The following SHC3 variants were observed in gnomAD, a reference collection of about 807,000 sequenced individuals.
SHC3 encodes SHC-transforming protein 3.
A neutral mutation model predicts 60.4 loss-of-function variants in SHC3; 15 were observed. The ratio of observed to expected loss-of-function variants is 0.25; its 90% confidence interval spans 0.17 to 0.38. The LOEUF (loss-of-function observed/expected upper bound fraction) is 0.38. SHC3 is among the 10% of genes least tolerant of loss of function. The pLI is 1.00. For synonymous variants in SHC3, 294 were observed against 325.9 expected (o/e 0.90, Z 1.05); for missense variants, 677 against 786.1 (o/e 0.86, Z 1.66).
rs1036952530 is a variant in SHC3 at position 89,145,413 on chromosome 9, C to T, written c.474+32574G>A. ...ATTCGCTTAAAGTAATCAAGACCAC[C>T]CCTAGAGACAGTGCACAACTCCAAA... On this transcript the variant is annotated intron_variant, in intron 1 of 11. Coordinates refer to ENST00000375835, the MANE Select transcript of SHC3 (RefSeq NM_016848.6). Among the ~76,000 whole-genome samples the T allele has an allele frequency of 1.1e-3, 162 of 152,300 alleles. 1 individual carries two copies. The highest frequency in any genetic ancestry group is 3.7e-3 in the African/African-American group (154 of 41,546).
chr9:89,085,647 G>A (rs185126497), intron 2 of SHC3, among the ~76,000 whole-genome samples: 16 of 152,296 alleles, frequency 1.1e-4, no homozygotes, highest in African/African-American at 2.9e-4. Context: ...GTTCCACTCC[G>A]GGACCTAATG....
chr9:89,133,131 A>T (rs1391956945), intron 1 of SHC3, among the ~76,000 whole-genome samples: 1 of 152,258 alleles, frequency 6.6e-6, no homozygotes, highest in Admixed American at 6.5e-5. Context: ...AGAAGAAGAC[A>T]TTTATGCAGT....
At chr9:89,080,692 T>C (rs1564126888) in intron 2 of SHC3, among the ~76,000 whole-genome samples, 1 of 151,184 alleles carries the variant, frequency 6.6e-6, no homozygotes, top group Non-Finnish European at 1.5e-5. Context: ...ATTGAAATCA[T>C]TTGTAATGAA....
intron 11 of SHC3, among the ~76,000 whole-genome samples, chr9:89,018,698 TC>T (rs199608464): frequency 0.063 from 9,045 of 142,934 alleles, 361 homozygotes; most frequent in East Asian, 0.092. Flanking sequence ...TTTCTTTCTT[TC>T]TTTTTTTTTT....
At chr9:89,105,454 C>T (rs1825845554) in intron 2 of SHC3, among the ~76,000 whole-genome samples, 5 of 152,138 alleles carry the variant, frequency 3.3e-5, no homozygotes, top group Admixed American at 3.3e-4. Flanking sequence ...AATTACCGTG[C>T]TGAACTATAT....
rs760940762 is a variant in SHC3 at position 89,065,625 on chromosome 9, G to C, written c.784-45C>G. Reference sequence around the variant, plus strand: ...TGTCTATGTCACTAATCACAAGTGAGAGACCACACAGTCAGGGACACAGGG... The same window carrying C: ...TGTCTATGTCACTAATCACAAGTGACAGACCACACAGTCAGGGACACAGGG... On this transcript the variant is annotated intron_variant, in intron 5 of 11. Coordinates refer to ENST00000375835, the MANE Select transcript of SHC3 (RefSeq NM_016848.6). 1.9e-6 allele frequency: 3 copies of C among 1,592,996 alleles called. No individual in the cohort carries two copies. The East Asian group carries it at 6.7e-5, about 36-fold the overall frequency.
Position 89,119,012 on chromosome 9 carries a change from G to A in SHC3, c.475-6386C>T, listed in dbSNP as rs116698567. ...ATGATCAGAAACTAGTATCTCAGGA[G>A]ATCTAAACATGGAAGGTAAGGGAAC... On this transcript the variant is annotated intron_variant, in intron 1 of 11. Transcript: ENST00000375835. Among the ~76,000 whole-genome samples the A allele has an allele frequency of 3.3e-3, 500 of 152,234 alleles. 3 individuals are homozygous for A. Among genetic ancestry groups the A allele is most frequent in the African/African-American group, 0.011 (470 of 41,550 alleles).
chr9:89,067,828 C>T (rs1825208229), intron 5 of SHC3, among the ~76,000 whole-genome samples: 1 of 152,064 alleles, frequency 6.6e-6, no homozygotes, highest in Admixed American at 6.5e-5. Flanking sequence ...TTGTATTTAA[C>T]TTTCAAATTT....
intron 1 of SHC3, among the ~76,000 whole-genome samples, chr9:89,122,917 A>G (rs1420275727): frequency 2.0e-5 from 3 of 152,210 alleles, no homozygotes; most frequent in Non-Finnish European, 2.9e-5. Context: ...GCTTTTGTGA[A>G]AAGAAAGGCT....
intron 11 of SHC3, among the ~76,000 whole-genome samples, chr9:89,031,301 G>A (rs1046245721): frequency 1.3e-5 from 2 of 152,076 alleles, no homozygotes; most frequent in Non-Finnish European, 2.9e-5. Context: ...CAGTATATTC[G>A]CAGATACATT....
rs1043963094 is a variant in SHC3 at position 89,178,537 on chromosome 9, C to G, written c.-77G>C. The G allele has an allele frequency of 5.1e-4, 663 of 1,307,146 alleles. No individual in the cohort carries two copies. The highest frequency in any genetic ancestry group is 5.0e-3 in the Admixed American group (137 of 27,170). The allele number at this position is 1,307,146 out of a possible 1,614,324, so 81.0% of individuals were successfully genotyped here. On this transcript the variant is annotated 5_prime_UTR_variant, in exon 1 of 12. Coordinates refer to ENST00000375835, the MANE Select transcript of SHC3 (RefSeq NM_016848.6). The surrounding 1 kb of genome is among the most constrained non-coding windows in gnomAD (Gnocchi z 6.9). ...GGCGCGGGCTGCCGCGCATAGCAGGCGAGCCACTGTCCCCGGAGCGGGACG... is the reference window on the plus strand; with the variant it reads ...GGCGCGGGCTGCCGCGCATAGCAGGGGAGCCACTGTCCCCGGAGCGGGACG...
chr9:89,169,053 C>T (rs1826831872), intron 1 of SHC3, among the ~76,000 whole-genome samples: 1 of 152,338 alleles, frequency 6.6e-6, no homozygotes, highest in African/African-American at 2.4e-5. Flanking sequence ...ACTTGCCTGC[C>T]TCCAAAATTA....
At chr9:89,069,996 A>T (rs1442080371) in intron 5 of SHC3, among the ~76,000 whole-genome samples, 1 of 152,258 alleles carries the variant, frequency 6.6e-6, no homozygotes, top group Non-Finnish European at 1.5e-5. Context: ...AGTAAAACAC[A>T]GGGTCCTCAA....
At chr9:89,066,682 T>A (rs1825188174) in intron 5 of SHC3, among the ~76,000 whole-genome samples, 2 of 152,204 alleles carry the variant, frequency 1.3e-5, no homozygotes, top group Non-Finnish European at 2.9e-5. Context: ...ACATTTCCCA[T>A]ATGTCATTGC....
intron 1 of SHC3, among the ~76,000 whole-genome samples, chr9:89,130,515 T>G (rs1587743571): frequency 6.6e-6 from 1 of 152,114 alleles, no homozygotes. Context: ...ATAGTTGGAA[T>G]TAAAGCACTC....
At chr9:89,113,982 C>A (rs1825986916) in intron 1 of SHC3, among the ~76,000 whole-genome samples, 1 of 152,098 alleles carries the variant, frequency 6.6e-6, no homozygotes, top group Admixed American at 6.6e-5. Flanking sequence ...ATGTGAATAC[C>A]ACCAGCATCA....
intron 2 of SHC3, among the ~76,000 whole-genome samples, chr9:89,078,374 G>A (rs1825394591): frequency 1.3e-5 from 2 of 152,142 alleles, no homozygotes; most frequent in South Asian, 4.1e-4. Flanking sequence ...TGGTCATCCC[G>A]AGTTTTATTC....
chr9:89,067,744 T>C (rs946309454), intron 5 of SHC3, among the ~76,000 whole-genome samples: 4 of 152,182 alleles, frequency 2.6e-5, no homozygotes, highest in African/African-American at 7.2e-5. Context: ...CAGATGGAGA[T>C]TTAGTTTCAG....
chr9:89,112,463 C>T (rs144096354), intron 2 of SHC3, 93 bp downstream of exon 2: 52 of 1,369,512 alleles, frequency 3.8e-5, no homozygotes, highest in African/African-American at 3.3e-4. Flanking sequence ...CTCCAAGGGC[C>T]GGTCTTTTCT....
Sources: allele counts gnomAD v4.1 joint callset (sites outside exome capture counted in the v4.1 genomes callset), GRCh38; gene constraint gnomAD v4.1.1; non-coding constraint Gnocchi (gnomAD v3.1); transcripts MANE v1.5; gene names NCBI Gene and HGNC (gene_info 2026-07-23, HGNC 2026-07-21).